The following RBFOX1 variants were observed in gnomAD, a reference collection of about 807,000 sequenced individuals.
RBFOX1 encodes the protein RNA binding fox-1 homolog 1.
In RBFOX1, 8 loss-of-function variants were observed where a neutral mutation model predicts 57.7. The ratio of observed to expected loss-of-function variants is 0.14; its 90% CI spans 0.08 to 0.25. The LOEUF is 0.25. Among genes scored for constraint, RBFOX1 ranks in the 10% least tolerant of loss-of-function variants. The pLI is 1.00. For synonymous variants in RBFOX1, 326 were observed against 222.4 expected, an observed-to-expected ratio of 1.47 and a Z score of -4.15; for missense variants, 611 against 548.5, an observed-to-expected ratio of 1.11 and a Z score of -1.14.
intron 3 of RBFOX1, among the ~76,000 whole-genome samples, chr16:6,906,724 ATTT>A (rs200335697): frequency 2.3e-4 from 33 of 141,932 alleles, no homozygotes; most frequent in African/African-American, 7.8e-4. Flanking sequence ...TTGCAGAACT[ATTT>A]TTTTTTTTTT....
At chr16:5,400,759 T>C (rs1252536968) in intron 1 of RBFOX1, among the ~76,000 whole-genome samples, 1 of 152,110 alleles carries the variant, frequency 6.6e-6, no homozygotes, top group Admixed American at 6.6e-5. Context: ...TTGTAAAAAC[T>C]TTCATTCCCT....
At chr16:6,504,865 C>T (rs564116602) in intron 2 of RBFOX1, among the ~76,000 whole-genome samples, 5 of 151,820 alleles carry the variant, frequency 3.3e-5, no homozygotes, top group African/African-American at 9.7e-5. Flanking sequence ...ACTAGCCTGC[C>T]CAACATGGTG....
At chr16:7,473,918 A>G (rs759468669) in intron 4 of RBFOX1, among the ~76,000 whole-genome samples, 91 of 152,274 alleles carry the variant, frequency 6.0e-4, no homozygotes, top group Admixed American at 2.2e-3. Context: ...ACCTCCCTCA[A>G]GCACCTTTTG....
intron 2 of RBFOX1, among the ~76,000 whole-genome samples, chr16:5,575,894 A>G (rs2046436106): frequency 6.6e-6 from 1 of 151,572 alleles, no homozygotes; most frequent in African/African-American, 2.4e-5. Context: ...TGAAGTTTGC[A>G]GCAAATGGGT....
At chr16:7,043,090 G>A (rs12919103) in intron 3 of RBFOX1, among the ~76,000 whole-genome samples, 2,358 of 131,584 alleles carry the variant, frequency 0.018, 28 homozygotes, top group Non-Finnish European at 0.025. Flanking sequence ...TGCCATTCAC[G>A]GTATCTTGTT....
chr16:7,692,053 T>C (rs1007904613), intron 14 of RBFOX1, among the ~76,000 whole-genome samples: 1 of 152,138 alleles, frequency 6.6e-6, no homozygotes, highest in Non-Finnish European at 1.5e-5. Flanking sequence ...TCCTTTGTTT[T>C]CAGGGATAAA....
At chr16:7,226,678 C>T (rs1165117186) in intron 4 of RBFOX1, among the ~76,000 whole-genome samples, 3 of 152,176 alleles carry the variant, frequency 2.0e-5, no homozygotes, top group African/African-American at 7.2e-5. Flanking sequence ...GACTTAATTT[C>T]TAAAACCGCA....
chr16:5,333,102 C>T (rs760357899), intron 1 of RBFOX1, among the ~76,000 whole-genome samples: 7 of 151,880 alleles, frequency 4.6e-5, no homozygotes, highest in Non-Finnish European at 7.4e-5. Flanking sequence ...ACAGGAGAAT[C>T]GCTTGAACCC....
At chr16:5,858,393 A>G (rs1007615164) in intron 3 of RBFOX1, among the ~76,000 whole-genome samples, 1 of 152,150 alleles carries the variant, frequency 6.6e-6, no homozygotes, top group African/African-American at 2.4e-5. Flanking sequence ...ACTCCCTGTA[A>G]ACCGGCACTG....
intron 3 of RBFOX1, among the ~76,000 whole-genome samples, chr16:5,641,449 G>T (rs147000465): frequency 6.6e-6 from 1 of 152,252 alleles, no homozygotes; most frequent in African/African-American, 2.4e-5. Context: ...GGGAGAAAGA[G>T]TGATGGGAAG....
chr16:5,581,923 G>A (rs905183864), intron 2 of RBFOX1, among the ~76,000 whole-genome samples: 3 of 152,228 alleles, frequency 2.0e-5, no homozygotes, highest in African/African-American at 7.2e-5. Context: ...CTGTAATGTA[G>A]ATGAGTAAGT....
intron 4 of RBFOX1, among the ~76,000 whole-genome samples, chr16:7,463,026 A>C (rs994553786): frequency 6.6e-6 from 1 of 152,168 alleles, no homozygotes; most frequent in Admixed American, 6.5e-5. Context: ...ACTAAATGCC[A>C]AAAACTGGTT....
intron 4 of RBFOX1, among the ~76,000 whole-genome samples, chr16:5,888,225 A>C (rs988627273): frequency 6.6e-6 from 1 of 152,018 alleles, no homozygotes; most frequent in South Asian, 2.1e-4. Context: ...AATGGTCCCT[A>C]ATTGGCTTTC....
chr16:6,309,561 A>G (rs1316535661), intron 1 of RBFOX1, among the ~76,000 whole-genome samples: 1 of 152,134 alleles, frequency 6.6e-6, no homozygotes, highest in Non-Finnish European at 1.5e-5. Flanking sequence ...TGGGAGGATT[A>G]TTTTTAATCA....
intron 2 of RBFOX1, among the ~76,000 whole-genome samples, chr16:6,527,212 C>T (rs1195644384): frequency 6.6e-6 from 1 of 152,136 alleles, no homozygotes; most frequent in African/African-American, 2.4e-5. Context: ...TGATCTCTGA[C>T]TCCACATTTC....
intron 4 of RBFOX1, among the ~76,000 whole-genome samples, chr16:7,482,774 C>T (rs1471219065): frequency 2.0e-5 from 3 of 151,938 alleles, no homozygotes; most frequent in African/African-American, 7.3e-5. Context: ...TGGTAAGCCC[C>T]TGCCTACCCA....
chr16:6,487,015 G>A (rs971964506), intron 2 of RBFOX1, among the ~76,000 whole-genome samples: 1 of 149,504 alleles, frequency 6.7e-6, no homozygotes, highest in Non-Finnish European at 1.5e-5. Flanking sequence ...ACAGTGTTTG[G>A]TTTGGAAACC....
chr16:5,658,163 G>A (rs2049516560), intron 3 of RBFOX1, among the ~76,000 whole-genome samples: 2 of 152,184 alleles, frequency 1.3e-5, no homozygotes, highest in Admixed American at 6.5e-5. Flanking sequence ...AGTGGAGTGA[G>A]CAGAGGAAAT....
chr16:5,693,205 A>G (rs904376047), intron 3 of RBFOX1, among the ~76,000 whole-genome samples: 1 of 152,080 alleles, frequency 6.6e-6, no homozygotes, highest in South Asian at 2.1e-4. Context: ...TCTCCTGCCC[A>G]TGGGCCCTTT....
Sources: gnomAD v4.1 joint callset for allele counts (sites outside exome capture counted in the v4.1 genomes callset) on GRCh38, gnomAD v4.1.1 for gene constraint, MANE v1.5 for transcripts, NCBI Gene and HGNC (gene_info 2026-07-23, HGNC 2026-07-21) for gene names.